TNFRSF21: variants seen among roughly 807,000 people sequenced by gnomAD.
The protein encoded by TNFRSF21 is tumor necrosis factor receptor superfamily member 21.
TNFRSF21 carries 19 observed loss-of-function variants against 45.6 expected under a neutral mutation model. The observed-to-expected ratio is 0.42, with a 90% CI of 0.29 to 0.61. The LOEUF (loss-of-function observed/expected upper bound fraction) is 0.61, where lower values mean the gene tolerates loss of function less well. Ranked by LOEUF, TNFRSF21 falls within the 20% of genes least tolerant of loss-of-function variation. TNFRSF21 has a pLI of 0.23. For synonymous variants in TNFRSF21, 314 were observed against 335.5 expected, an observed-to-expected ratio of 0.94 and a Z score of 0.70; for missense variants, 737 against 851.5, an observed-to-expected ratio of 0.87 and a Z score of 1.67.
intron 3 of TNFRSF21, among the ~76,000 whole-genome samples, chr6:47,271,270 T>A (rs1353781165): frequency 1.3e-5 from 2 of 152,124 alleles, no homozygotes; most frequent in Non-Finnish European, 2.9e-5. Flanking sequence ...GAGAGAAAGG[T>A]CAGGTTACCC....
chr6:47,290,949 A>C (rs1582355181), intron 1 of TNFRSF21, among the ~76,000 whole-genome samples: 1 of 152,374 alleles, frequency 6.6e-6, no homozygotes, highest in East Asian at 1.9e-4. Context: ...TGAACAAAAA[A>C]AGAATACACC....
Position 47,309,558 on chromosome 6 carries a change from T to C in TNFRSF21, c.-47A>G. ...GGGCGCCCGGGGCGCGCGGGGCAGCTGGAATCGGCGGCTGCTTCTGCCCAG... is the reference window on the plus strand; with the variant it reads ...GGGCGCCCGGGGCGCGCGGGGCAGCCGGAATCGGCGGCTGCTTCTGCCCAG... On this transcript the variant is annotated 5_prime_UTR_variant, in exon 1 of 6. Coordinates refer to ENST00000296861, the MANE Select transcript of TNFRSF21 (RefSeq NM_014452.5). 7.2e-7 allele frequency: 1 copy of C among 1,392,888 alleles called. No individual in the cohort carries two copies. The highest frequency in any genetic ancestry group is 9.2e-7 in the Non-Finnish European group (1 of 1,083,380). 86.3% of individuals were successfully genotyped at this position (1,392,888 alleles called of 1,614,324 possible). A position where few individuals can be genotyped will look rare whatever the true frequency, so the allele number is the denominator to read the frequency against.
At chr6:47,298,317 A>G (rs898829551) in intron 1 of TNFRSF21, among the ~76,000 whole-genome samples, 11 of 149,906 alleles carry the variant, frequency 7.3e-5, no homozygotes, top group African/African-American at 2.7e-4. Context: ...GGAATCAGGT[A>G]TAGTGGTGTT....
chr6:47,234,792 T>C lies in TNFRSF21; in HGVS notation c.1616A>G (p.Glu539Gly). 6.3e-7 allele frequency: 1 copy of C among 1,594,478 alleles called. No homozygotes were observed. Among genetic ancestry groups the C allele is most frequent in the Non-Finnish European group, 8.5e-7 (1 of 1,172,404 alleles). The change falls in exon 5 of 6, where the codon GAG becomes GGG. Residue 539 changes from glutamate to glycine, a missense_variant. By Grantham distance (98) the Glu-to-Gly change is moderately conservative (BLOSUM62 -2). Coordinates refer to ENST00000296861, the MANE Select transcript of TNFRSF21 (RefSeq NM_014452.5). Reference protein sequence around the residue: ...KLENSALLTVEPSPQDKNKGF... With the variant: ...KLENSALLTVGPSPQDKNKGF... ...CTTGTTCTTGTCCTGTGGGGAAGGC[T>C]CCACCGTCAGGAGAGCGGAATTCTC...
chr6:47,256,714 G>A (rs950531350), intron 3 of TNFRSF21, among the ~76,000 whole-genome samples: 1 of 152,158 alleles, frequency 6.6e-6, no homozygotes, highest in African/African-American at 2.4e-5. Context: ...ACCCATAACT[G>A]ATTTTAAACC....
At chr6:47,270,195 C>A (rs1199871931) in intron 3 of TNFRSF21, among the ~76,000 whole-genome samples, 2 of 152,156 alleles carry the variant, frequency 1.3e-5, no homozygotes, top group Non-Finnish European at 2.9e-5. Flanking sequence ...TCAAGTGGGT[C>A]CCTGACCCCC....
At chr6:47,307,382 T>A (rs1209867011) in intron 1 of TNFRSF21, among the ~76,000 whole-genome samples, 1 of 152,278 alleles carries the variant, frequency 6.6e-6, no homozygotes, top group Admixed American at 6.5e-5. Flanking sequence ...TGACTTATTT[T>A]TTATTTTGGT....
rs868603235 is a variant in TNFRSF21 at position 47,272,909 on chromosome 6, T to A, written c.1243+11029A>T. On this transcript the variant is annotated intron_variant, in intron 3 of 5. Coordinates refer to ENST00000296861, the MANE Select transcript of TNFRSF21 (RefSeq NM_014452.5). ...ACCTCTATGCAAATAAATTAGAAAA[T>A]CTAGAAGAAATGGATAGATTCCTGG... is the stretch of plus-strand genomic sequence containing the variant. Among the ~76,000 whole-genome samples, 3 of 152,144 alleles carry A rather than the reference T, an allele frequency of 2.0e-5. No homozygotes were observed. In the South Asian group the frequency reaches 6.2e-4, roughly 32 times the overall value.
intron 4 of TNFRSF21, among the ~76,000 whole-genome samples, chr6:47,245,659 T>TTTTC (rs140806551): frequency 0.14 from 21,065 of 152,068 alleles, 1,972 homozygotes; most frequent in African/African-American, 0.27. Context: ...ATTAACAGTA[T>TTTTC]TTTCTTTCTC....
intron 3 of TNFRSF21, among the ~76,000 whole-genome samples, chr6:47,269,192 C>T (rs890309288): frequency 2.6e-5 from 4 of 151,780 alleles, no homozygotes; most frequent in Admixed American, 2.0e-4. Context: ...GTGACTTACA[C>T]ACAAACACAC....
At chr6:47,248,886 C>T (rs1292533909) in intron 4 of TNFRSF21, among the ~76,000 whole-genome samples, 7 of 152,180 alleles carry the variant, frequency 4.6e-5, no homozygotes. Flanking sequence ...TATTAATAGT[C>T]AACATCTGAC....
At chr6:47,246,574 C>T (rs868592291) in intron 4 of TNFRSF21, among the ~76,000 whole-genome samples, 21 of 152,148 alleles carry the variant, frequency 1.4e-4, no homozygotes, top group Middle Eastern at 3.2e-3. Context: ...ATATCTAGCA[C>T]GTGACATGAA....
In TNFRSF21 at chr6:47,234,772, T is replaced by G; in HGVS notation, c.1636A>C (p.Asn546His). 1 of 1,604,922 alleles carries G rather than the reference T, an allele frequency of 6.2e-7. No individual in the cohort carries two copies. The highest frequency in any genetic ancestry group is 8.5e-7 in the Non-Finnish European group (1 of 1,176,866). Reference protein sequence around the residue: ...LTVEPSPQDKNKGFFVDESEP... With the variant: ...LTVEPSPQDKHKGFFVDESEP... ...GACTCATCCACGAAGAAGCCCTTGT[T>G]CTTGTCCTGTGGGGAAGGCTCCACC... The change falls in exon 5 of 6, where the codon AAC becomes CAC. Residue 546 changes from asparagine to histidine, a missense_variant. By Grantham distance (68) the Asn-to-His change is moderately conservative. Coordinates refer to ENST00000296861, the MANE Select transcript of TNFRSF21 (RefSeq NM_014452.5).
At chr6:47,237,643 A>G (rs1764679431) in intron 4 of TNFRSF21, among the ~76,000 whole-genome samples, 1 of 152,166 alleles carries the variant, frequency 6.6e-6, no homozygotes. Flanking sequence ...AAAATAAAAT[A>G]ATTTATTTCC....
Position 47,309,447 on chromosome 6 carries a change from G to T in TNFRSF21, c.65C>A (p.Thr22Lys), listed in dbSNP as rs1473183955. Reference protein sequence around the residue: ...ASCSRIARRATATMIAGSLLL... With the variant: ...ASCSRIARRAKATMIAGSLLL... ...AAGGGAGCCCGCGATCATCGTGGCTGTGGCTCGGCGGGCGATGCGGCTGCA... is the reference window on the plus strand; with the variant it reads ...AAGGGAGCCCGCGATCATCGTGGCTTTGGCTCGGCGGGCGATGCGGCTGCA... The change falls in exon 1 of 6, where the codon ACA (threonine) becomes AAA (lysine). Residue 22 changes from threonine (T) to lysine (K), a missense_variant. Thr to Lys is a moderately conservative substitution (Grantham distance 78). Coordinates refer to ENST00000296861, the MANE Select transcript of TNFRSF21 (RefSeq NM_014452.5). 1 of 1,549,624 alleles carries T rather than the reference G, an allele frequency of 6.5e-7. No individual in the cohort carries two copies.
intron 4 of TNFRSF21, among the ~76,000 whole-genome samples, chr6:47,242,505 T>A (rs1443148169): frequency 6.6e-6 from 1 of 152,214 alleles, no homozygotes; most frequent in Non-Finnish European, 1.5e-5. Flanking sequence ...CAATAGCCAA[T>A]CCTTGCCCTA....
At chr6:47,259,374 C>CTT (rs67674852) in intron 3 of TNFRSF21, among the ~76,000 whole-genome samples, 21 of 147,306 alleles carry the variant, frequency 1.4e-4, no homozygotes, top group East Asian at 2.0e-4. Flanking sequence ...ATCACATTGC[C>CTT]TTTTTTTTTT....
Position 47,309,488 on chromosome 6 carries a change from G to A in TNFRSF21, c.24C>T (p.Ser8=). The A allele has an allele frequency of 2.6e-6, 4 of 1,521,248 alleles. No homozygotes were observed. The highest frequency in any genetic ancestry group is 3.5e-6 in the Non-Finnish European group (4 of 1,141,880). 94.2% of individuals were successfully genotyped at this position (1,521,248 alleles called of 1,614,324 possible). The change falls in exon 1 of 6, where the codon AGC becomes AGT. Residue 8 remains serine, a synonymous_variant. Transcript: ENST00000296861. ...TGCGGCTGCAGGAGGCGAGGGCGGT[G>A]CTGCTGCTCGGAGAGGTCCCCATGG... MGTSPSS[S]TALASCSRIA... is the part of the protein sequence containing the mutation.
chr6:47,248,324 C>T (rs556674646), intron 4 of TNFRSF21, among the ~76,000 whole-genome samples: 17 of 152,092 alleles, frequency 1.1e-4, no homozygotes, highest in African/African-American at 4.1e-4. Context: ...TTCTGTAATT[C>T]CCATTTTAAA....
Sources: allele counts gnomAD v4.1 joint callset (sites outside exome capture counted in the v4.1 genomes callset), GRCh38; gene constraint gnomAD v4.1.1; transcripts MANE v1.5; gene names NCBI Gene and HGNC (gene_info 2026-07-23, HGNC 2026-07-21).